Variants in VWC2L observed in about 807,000 individuals in gnomAD.
The protein encoded by VWC2L is von Willebrand factor C domain-containing protein 2-like.
VWC2L carries 10 observed loss-of-function variants against 21.6 expected under a neutral mutation model. That is an observed-to-expected ratio of 0.46 (90% CI 0.29 to 0.78). VWC2L has a LOEUF of 0.78. VWC2L is among the 30% of genes least tolerant of loss of function. The probability of loss-of-function intolerance (pLI) is 0.10; values close to 1 mark genes in which losing one functional copy is unlikely to be tolerated. For synonymous variants in VWC2L, 96 were observed against 94.3 expected, an observed-to-expected ratio of 1.02 and a Z score of -0.10; for missense variants, 209 against 277.1, an observed-to-expected ratio of 0.75 and a Z score of 1.74.
intron 3 of VWC2L, among the ~76,000 whole-genome samples, chr2:214,527,036 G>GA (rs1689350565): frequency 6.6e-6 from 1 of 152,088 alleles, no homozygotes; most frequent in African/African-American, 2.4e-5. Context: ...AGAAAATATG[G>GA]CACGTATACA....
chr2:214,530,351 C>T (rs947498209), intron 3 of VWC2L, among the ~76,000 whole-genome samples: 1 of 152,152 alleles, frequency 6.6e-6, no homozygotes, highest in Non-Finnish European at 1.5e-5. Flanking sequence ...ATCAAGATTA[C>T]CTGTGGAGCT....
chr2:214,507,668 C>A (rs1038060876), intron 3 of VWC2L, among the ~76,000 whole-genome samples: 1 of 152,158 alleles, frequency 6.6e-6, no homozygotes, highest in African/African-American at 2.4e-5. Context: ...CTTAATTAGT[C>A]ATGTGATGTT....
intron 3 of VWC2L, among the ~76,000 whole-genome samples, chr2:214,532,309 G>A (rs1689448864): frequency 6.6e-6 from 1 of 152,080 alleles, no homozygotes; most frequent in Non-Finnish European, 1.5e-5. Context: ...AAAAGCTGGT[G>A]ATAAAATCTG....
intron 3 of VWC2L, among the ~76,000 whole-genome samples, chr2:214,446,513 C>T (rs1417906060): frequency 2.6e-5 from 4 of 152,130 alleles, no homozygotes; most frequent in Admixed American, 2.0e-4. Flanking sequence ...AATGTTGACA[C>T]AATAAAAATT....
intron 3 of VWC2L, among the ~76,000 whole-genome samples, chr2:214,507,658 C>T (rs1688986217): frequency 6.6e-6 from 1 of 152,140 alleles, no homozygotes; most frequent in Admixed American, 6.5e-5. Flanking sequence ...ATTATTATCT[C>T]TTAATTAGTC....
chr2:214,567,145 G>T (rs906555566), intron 3 of VWC2L, among the ~76,000 whole-genome samples: 1 of 152,084 alleles, frequency 6.6e-6, no homozygotes, highest in Non-Finnish European at 1.5e-5. Context: ...TCAAATCAAG[G>T]CCAAAAATTG....
intron 3 of VWC2L, chr2:214,536,708 A>C (rs1314657307): frequency 6.6e-6 from 1 of 151,996 alleles, no homozygotes; most frequent in Non-Finnish European, 1.5e-5. Context: ...AAAAATGTAT[A>C]TCTAATCTCT....
chr2:214,437,928 C>T (rs750327989), intron 3 of VWC2L, among the ~76,000 whole-genome samples: 6 of 151,936 alleles, frequency 3.9e-5, no homozygotes, highest in Non-Finnish European at 8.8e-5. Flanking sequence ...TCATATAAAT[C>T]GATTAACTTG....
intron 3 of VWC2L, among the ~76,000 whole-genome samples, chr2:214,444,044 T>C (rs1438319302): frequency 1.3e-5 from 2 of 152,064 alleles, no homozygotes; most frequent in Non-Finnish European, 2.9e-5. Flanking sequence ...ATATATAAAA[T>C]AACACATATA....
intron 3 of VWC2L, among the ~76,000 whole-genome samples, chr2:214,463,671 G>C (rs1439745987): frequency 6.6e-6 from 1 of 151,744 alleles, no homozygotes; most frequent in East Asian, 1.9e-4. Context: ...CTATATTTTT[G>C]TTTGTTGGAT....
intron 3 of VWC2L, among the ~76,000 whole-genome samples, chr2:214,455,681 C>T (rs1703046493): frequency 6.6e-6 from 1 of 152,086 alleles, no homozygotes; most frequent in African/African-American, 2.4e-5. Context: ...ATAAGATAAT[C>T]CCCTCATTAA....
chr2:214,533,106 C>A (rs1398419999), intron 3 of VWC2L, among the ~76,000 whole-genome samples: 3 of 152,066 alleles, frequency 2.0e-5, no homozygotes, highest in African/African-American at 7.2e-5. Flanking sequence ...ATCACCATAT[C>A]TGATTCGTGG....
intron 3 of VWC2L, among the ~76,000 whole-genome samples, chr2:214,505,298 C>T (rs1688952277): frequency 6.6e-6 from 1 of 152,086 alleles, no homozygotes. Context: ...ACTTGAGATT[C>T]TACCTAATAA....
Position 214,414,053 on chromosome 2 carries a change from T to A in VWC2L, c.-80-61T>A, listed in dbSNP as rs534117331. On this transcript the variant is annotated intron_variant, in intron 1 of 3. Coordinates refer to ENST00000312504, the MANE Select transcript of VWC2L (RefSeq NM_001080500.4). Reference sequence around the variant, plus strand: ...CCCAAACAGTTTAAGAGCGTGGGCTTAAATGAATCTATCTTCACTTTATAT... The same window carrying A: ...CCCAAACAGTTTAAGAGCGTGGGCTAAAATGAATCTATCTTCACTTTATAT... The A allele has an allele frequency of 1.9e-5, 18 of 963,490 alleles. No homozygotes were observed. The African/African-American group carries it at 2.0e-4, about 11-fold the overall frequency. The allele number at this position is 963,490 out of a possible 1,614,324, so 59.7% of individuals were successfully genotyped here.
At chr2:214,417,565 C>T (rs1702375664) in intron 2 of VWC2L, among the ~76,000 whole-genome samples, 1 of 151,982 alleles carries the variant, frequency 6.6e-6, no homozygotes, top group South Asian at 2.1e-4. Context: ...ACGAAACTGC[C>T]AGAGCAAAAT....
intron 3 of VWC2L, among the ~76,000 whole-genome samples, chr2:214,443,086 G>A (rs1237528727): frequency 2.0e-5 from 3 of 151,796 alleles, no homozygotes; most frequent in Non-Finnish European, 2.9e-5. Context: ...TTTTTGTATC[G>A]AAGTCATGAA....
rs74353680 is a variant in VWC2L at position 214,514,698 on chromosome 2, C to T, written c.521-60974C>T. Among the ~76,000 whole-genome samples, 1,367 of 152,308 alleles carry T rather than the reference C, an allele frequency of 9.0e-3. 20 individuals are homozygous for T. The highest frequency in any genetic ancestry group is 0.031 in the African/African-American group (1,294 of 41,546). ...AATCTGTTACTGGGTCAACAGCCCACTATCTAATGATGAGAAAAGGAGGGC... is the reference window on the plus strand; with the variant it reads ...AATCTGTTACTGGGTCAACAGCCCATTATCTAATGATGAGAAAAGGAGGGC... On this transcript the variant is annotated intron_variant, in intron 3 of 3. Coordinates refer to ENST00000312504, the MANE Select transcript of VWC2L (RefSeq NM_001080500.4).
At chr2:214,488,782 C>T (rs1688707884) in intron 3 of VWC2L, among the ~76,000 whole-genome samples, 1 of 152,074 alleles carries the variant, frequency 6.6e-6, no homozygotes, top group South Asian at 2.1e-4. Context: ...TGGCAGAAGG[C>T]AAAGAGGAGC....
chr2:214,573,342 C>T (rs1690181009), intron 3 of VWC2L, among the ~76,000 whole-genome samples: 1 of 152,136 alleles, frequency 6.6e-6, no homozygotes, highest in Admixed American at 6.6e-5. Context: ...AAAACTCTTA[C>T]TGGATAATAT....
Sources: allele counts gnomAD v4.1 joint callset (sites outside exome capture counted in the v4.1 genomes callset), GRCh38; gene constraint gnomAD v4.1.1; transcripts MANE v1.5; gene names NCBI Gene and HGNC (gene_info 2026-07-23, HGNC 2026-07-21).